The following CAP2 variants were observed in gnomAD, a reference collection of about 807,000 sequenced individuals.
The protein encoded by CAP2 is cyclase associated actin cytoskeleton regulatory protein 2, also known as adenylyl cyclase-associated protein 2.
CAP2 carries 24 observed loss-of-function variants against 57.7 expected under a neutral mutation model. The observed-to-expected ratio is 0.42, with a 90% CI of 0.30 to 0.58. CAP2 has a LOEUF of 0.58. Among genes scored for constraint, CAP2 ranks in the 20% least tolerant of loss-of-function variants. The pLI is 0.22. For synonymous variants in CAP2, 194 were observed against 207.2 expected (o/e 0.94, Z 0.55); for missense variants, 501 against 590.3 (o/e 0.85, Z 1.57).
intron 4 of CAP2, among the ~76,000 whole-genome samples, chr6:17,492,407 A>T (rs1761566124): frequency 1.3e-5 from 2 of 152,224 alleles, no homozygotes; most frequent in Non-Finnish European, 2.9e-5. Context: ...AGGGTCTAGC[A>T]GGAACATGGA....
chr6:17,444,156 C>G (rs1760177631), intron 3 of CAP2, among the ~76,000 whole-genome samples: 1 of 152,188 alleles, frequency 6.6e-6, no homozygotes, highest in Admixed American at 6.5e-5. Context: ...GAATTATGCT[C>G]TTTTCTTCCA....
chr6:17,549,390 C>G (rs1037077810), intron 11 of CAP2, among the ~76,000 whole-genome samples: 1 of 151,942 alleles, frequency 6.6e-6, no homozygotes, highest in South Asian at 2.1e-4. Flanking sequence ...TTGAACCCAG[C>G]AGGCAGAGGT....
In CAP2 at chr6:17,451,412, C is replaced by T. The variant is rs78348309; in HGVS notation, c.223-11584C>T. ...CTGCTCCACACAGTTCACACCTTAT[C>T]ACTTGTTACTCACATGCACTAATGA... On this transcript the variant is annotated intron_variant, in intron 3 of 12. Coordinates refer to ENST00000229922, the MANE Select transcript of CAP2 (RefSeq NM_006366.3). Among the ~76,000 whole-genome samples the T allele has an allele frequency of 3.0e-3, 455 of 152,276 alleles. 2 individuals are homozygous for T. Among genetic ancestry groups the T allele is most frequent in the African/African-American group, 9.9e-3 (410 of 41,552 alleles).
chr6:17,444,234 C>T (rs77429325), intron 3 of CAP2, among the ~76,000 whole-genome samples: 3,655 of 152,160 alleles, frequency 0.024, 166 homozygotes, highest in African/African-American at 0.083. Context: ...TAAGTGAAAA[C>T]AAGTATTTAA....
chr6:17,438,628 A>G (rs1293979486), intron 3 of CAP2, among the ~76,000 whole-genome samples: 3 of 144,620 alleles, frequency 2.1e-5, no homozygotes, highest in Admixed American at 1.4e-4. Flanking sequence ...TTTAGTAGAG[A>G]CGGGGTTTCA....
chr6:17,556,235 C>T (rs1024878447), intron 12 of CAP2, 124 bp from the exon 13 acceptor site: 6 of 677,272 alleles, frequency 8.9e-6, no homozygotes, highest in African/African-American at 1.8e-5. Context: ...GCTTGCAATT[C>T]GATCGAATTT....
At chr6:17,419,318 T>C (rs1561776451) in intron 1 of CAP2, among the ~76,000 whole-genome samples, 1 of 152,226 alleles carries the variant, frequency 6.6e-6, no homozygotes, top group Non-Finnish European at 1.5e-5. Context: ...AGGACAGCAG[T>C]GTCTCTGATT....
intron 3 of CAP2, among the ~76,000 whole-genome samples, chr6:17,449,054 G>A (rs1225078628): frequency 2.0e-5 from 3 of 152,178 alleles, no homozygotes; most frequent in African/African-American, 4.8e-5. Flanking sequence ...GAGCCACAGC[G>A]CCCGGCCTAC....
chr6:17,410,922 T>G (rs573762405), intron 1 of CAP2, among the ~76,000 whole-genome samples: 1 of 152,332 alleles, frequency 6.6e-6, no homozygotes, highest in Non-Finnish European at 1.5e-5. Context: ...TTGTTTGTTT[T>G]TAAACCTTTT....
At chr6:17,409,772 A>C (rs2113515620) in intron 1 of CAP2, among the ~76,000 whole-genome samples, 1 of 152,180 alleles carries the variant, frequency 6.6e-6, no homozygotes, top group East Asian at 1.9e-4. Flanking sequence ...TTTGATTGGC[A>C]CCACCTTCCC....
Position 17,531,487 on chromosome 6 carries a change from A to T in CAP2, c.637-7782A>T. ...CCTTGTGATAGTGCTTCGCTTTTTC[A>T]TAGATAAGCTTCTTCCTTGCCTTTC... is the stretch of plus-strand genomic sequence containing the variant. On this transcript the variant is annotated intron_variant, in intron 7 of 12. Coordinates refer to ENST00000229922, the MANE Select transcript of CAP2 (RefSeq NM_006366.3). The T allele has an allele frequency of 2.0e-6, 3 of 1,490,790 alleles. No individual in the cohort carries two copies. The South Asian group carries it at 3.4e-5, about 17-fold the overall frequency. 92.3% of individuals were successfully genotyped at this position (1,490,790 alleles called of 1,614,324 possible).
chr6:17,394,039 G>T (rs1758608530), intron 1 of CAP2, among the ~76,000 whole-genome samples: 1 of 149,970 alleles, frequency 6.7e-6, no homozygotes. Flanking sequence ...CGCTCGGAAG[G>T]CGGGGTGCGG....
chr6:17,429,435 A>C (rs974038357), intron 3 of CAP2, among the ~76,000 whole-genome samples: 3 of 152,222 alleles, frequency 2.0e-5, no homozygotes, highest in Admixed American at 2.0e-4. Flanking sequence ...TGAGACCTAT[A>C]AATAAGTATA....
At chr6:17,529,373 G>A (rs1003434418) in intron 7 of CAP2, among the ~76,000 whole-genome samples, 2 of 152,238 alleles carry the variant, frequency 1.3e-5, no homozygotes, top group East Asian at 3.9e-4. Context: ...TGGGCGTGGT[G>A]GCTCACGCCT....
Position 17,484,112 on chromosome 6 carries a change from G to C in CAP2, c.300+21039G>C, listed in dbSNP as rs141316373. On this transcript the variant is annotated intron_variant, in intron 4 of 12. Transcript: ENST00000229922. The stretch of plus-strand genomic sequence containing the variant: ...TGAAAGACCACGGACTCCCTTTTTT[G>C]TTTTTTCTTTGCAGACCAAAATCAA... Among the ~76,000 whole-genome samples the C allele has an allele frequency of 2.0e-3, 307 of 151,830 alleles. 1 individual carries two copies. The highest frequency in any genetic ancestry group is 7.1e-3 in the African/African-American group (293 of 41,474).
At chr6:17,529,639 T>G (rs1419383211) in intron 7 of CAP2, among the ~76,000 whole-genome samples, 7 of 61,304 alleles carry the variant, frequency 1.1e-4, no homozygotes, top group African/African-American at 9.8e-4. Context: ...AGACTCCGTC[T>G]CAAAAAAAAA....
intron 3 of CAP2, among the ~76,000 whole-genome samples, chr6:17,427,548 G>A (rs73367893): frequency 0.092 from 13,983 of 151,272 alleles, 2,180 homozygotes; most frequent in African/African-American, 0.32. Flanking sequence ...GAGCCTCTAC[G>A]CACTGTTGAT....
At chr6:17,459,930 G>A (rs1535014) in intron 3 of CAP2, among the ~76,000 whole-genome samples, 74,890 of 151,470 alleles carry the variant, frequency 0.49, 19,248 homozygotes, top group East Asian at 0.84. Context: ...TCTAACAAAA[G>A]GAACAGAAGA....
intron 4 of CAP2, among the ~76,000 whole-genome samples, chr6:17,498,401 C>T (rs537049399): frequency 9.2e-4 from 140 of 152,176 alleles, no homozygotes; most frequent in South Asian, 3.1e-3. Flanking sequence ...GGCATTTTAC[C>T]CTATGATTTG....
Sources: gnomAD v4.1 joint callset for allele counts (sites outside exome capture counted in the v4.1 genomes callset) on GRCh38, gnomAD v4.1.1 for gene constraint, MANE v1.5 for transcripts, NCBI Gene and HGNC (gene_info 2026-07-23, HGNC 2026-07-21) for gene names.